Variants in PDCD6IP observed in about 807,000 individuals in gnomAD.
PDCD6IP encodes the protein programmed cell death 6 interacting protein, also known as programmed cell death 6-interacting protein.
PDCD6IP carries 43 observed loss-of-function variants against 103.7 expected under a neutral mutation model. The ratio of observed to expected loss-of-function variants is 0.41; its 90% CI spans 0.32 to 0.53. PDCD6IP has a LOEUF of 0.53. Ranked by LOEUF, PDCD6IP falls within the 20% of genes least tolerant of loss-of-function variation. PDCD6IP has a pLI of 0.16. For missense variants in PDCD6IP, 871 were observed against 1,036.7 expected (o/e 0.84, Z 2.20); for synonymous variants, 354 against 378.7 (o/e 0.93, Z 0.76).
At chr3:33,826,676 T>C (rs368958416) in intron 6 of PDCD6IP, 96 bp downstream of exon 6, 10 of 1,533,596 alleles carry the variant, frequency 6.5e-6, no homozygotes, top group Non-Finnish European at 1.8e-6. Flanking sequence ...ATAAAGAAAT[T>C]TGAAGTTTTA....
At chr3:33,805,987 C>T (rs745675297) in intron 1 of PDCD6IP, among the ~76,000 whole-genome samples, 44 of 152,044 alleles carry the variant, frequency 2.9e-4, no homozygotes, top group African/African-American at 9.7e-4. Flanking sequence ...CCTTGTGATC[C>T]GCCTGTCTCG....
intron 3 of PDCD6IP, among the ~76,000 whole-genome samples, chr3:33,816,271 C>T (rs1384435356): frequency 6.6e-6 from 1 of 152,036 alleles, no homozygotes; most frequent in Non-Finnish European, 1.5e-5. Context: ...GTTTGGGAGG[C>T]CGAGGTGGGT....
Position 33,813,646 on chromosome 3 carries a change from A to C in PDCD6IP, c.334+18A>C. 1 of 1,445,166 alleles carries C rather than the reference A, an allele frequency of 6.9e-7. No individual in the cohort carries two copies. 89.5% of individuals were successfully genotyped at this position (1,445,166 alleles called of 1,614,324 possible). A position where few individuals can be genotyped will look rare whatever the true frequency, so the allele number is the denominator to read the frequency against. ...AAAACTGGGTATGTAATTTTTAATA[A>C]AAGTGATAGGAAAATTGGTCTAACT... On this transcript the variant is annotated intron_variant, in intron 3 of 17. Coordinates refer to ENST00000307296, the MANE Select transcript of PDCD6IP (RefSeq NM_013374.6).
At chr3:33,799,181 G>T in intron 1 of PDCD6IP, 1 of 559,758 alleles carries the variant, frequency 1.8e-6, no homozygotes, top group Non-Finnish European at 3.2e-6. Context: ...AGGGCTCCGT[G>T]GATCAGATAC....
intron 12 of PDCD6IP, among the ~76,000 whole-genome samples, chr3:33,851,761 A>G (rs1559794343): frequency 6.6e-6 from 1 of 152,120 alleles, no homozygotes; most frequent in Non-Finnish European, 1.5e-5. Context: ...CATCTGGCCT[A>G]AAACTCTTAA....
At chr3:33,848,162 CTGTT>C (rs1280201136) in intron 12 of PDCD6IP, among the ~76,000 whole-genome samples, 4 of 152,104 alleles carry the variant, frequency 2.6e-5, no homozygotes, top group African/African-American at 9.7e-5. Flanking sequence ...TGACTGGAAT[CTGTT>C]TGTTTATTTA....
intron 7 of PDCD6IP, among the ~76,000 whole-genome samples, chr3:33,831,072 A>G (rs908695539): frequency 6.6e-6 from 1 of 152,186 alleles, no homozygotes; most frequent in African/African-American, 2.4e-5. Context: ...CTTGGAATCA[A>G]TCACTTCTGG....
intron 3 of PDCD6IP, among the ~76,000 whole-genome samples, chr3:33,820,456 A>G (rs1187913241): frequency 6.6e-6 from 1 of 152,220 alleles, no homozygotes; most frequent in Non-Finnish European, 1.5e-5. Flanking sequence ...ATTTTTAAGT[A>G]TACAGTTCAC....
chr3:33,800,648 C>T (rs1011078097), intron 1 of PDCD6IP, among the ~76,000 whole-genome samples: 1 of 152,078 alleles, frequency 6.6e-6, no homozygotes, highest in Non-Finnish European at 1.5e-5. Flanking sequence ...AATACTTAGC[C>T]ATTCTTTAGA....
At chr3:33,845,639 T>G (rs751174750) in intron 12 of PDCD6IP, 51 bp downstream of exon 12, 6 of 1,408,026 alleles carry the variant, frequency 4.3e-6, no homozygotes, top group Middle Eastern at 1.8e-4. Flanking sequence ...AAAACCACAT[T>G]CAAGCCATTT....
chr3:33,821,021 T>C (rs902010348), intron 3 of PDCD6IP, among the ~76,000 whole-genome samples: 3 of 152,178 alleles, frequency 2.0e-5, no homozygotes, highest in African/African-American at 7.2e-5. Context: ...TTATTTTTTA[T>C]TTTGAGACAG....
intron 11 of PDCD6IP, among the ~76,000 whole-genome samples, chr3:33,844,998 T>C (rs901717599): frequency 6.6e-6 from 1 of 152,126 alleles, no homozygotes; most frequent in Non-Finnish European, 1.5e-5. Context: ...TTATTTATCT[T>C]TGTAAAAAGT....
intron 3 of PDCD6IP, among the ~76,000 whole-genome samples, chr3:33,813,956 A>G (rs1458629754): frequency 1.3e-5 from 2 of 152,194 alleles, no homozygotes; most frequent in African/African-American, 4.8e-5. Context: ...CTACCTTTTG[A>G]AAGCAGACAA....
At chr3:33,833,995 C>T (rs1697293952) in intron 7 of PDCD6IP, among the ~76,000 whole-genome samples, 1 of 152,154 alleles carries the variant, frequency 6.6e-6, no homozygotes, top group African/African-American at 2.4e-5. Flanking sequence ...TCCTCACAGC[C>T]TTTGCATTTC....
At chr3:33,819,874 CCTT>C (rs1415547474) in intron 3 of PDCD6IP, among the ~76,000 whole-genome samples, 1 of 152,156 alleles carries the variant, frequency 6.6e-6, no homozygotes, top group Non-Finnish European at 1.5e-5. Flanking sequence ...ACACAATATG[CCTT>C]CTTAACCATT....
At chr3:33,852,925 C>CTTTTTTTTT (rs200568485) in intron 13 of PDCD6IP, among the ~76,000 whole-genome samples, 189 bp downstream of exon 13, 1 of 119,670 alleles carries the variant, frequency 8.4e-6, no homozygotes. Flanking sequence ...AAAGTCACTT[C>CTTTTTTTTT]TTTTTTTTTT....
At position 33,798,664 on chromosome 3, in the gene PDCD6IP, C is replaced by T. The variant is rs934857814; in HGVS notation, c.-65C>T. 2.9e-6 allele frequency: 4 copies of T among 1,400,146 alleles called. No homozygotes were observed. The highest frequency in any genetic ancestry group is 1.9e-4 in the Middle Eastern group (1 of 5,200). 86.7% of individuals were successfully genotyped at this position (1,400,146 alleles called of 1,614,324 possible). A position where few individuals can be genotyped will look rare whatever the true frequency, so the allele number is the denominator to read the frequency against. On this transcript the variant is annotated 5_prime_UTR_variant, in exon 1 of 18. Coordinates refer to ENST00000307296, the MANE Select transcript of PDCD6IP (RefSeq NM_013374.6). ...GCCAGTCCGCCAGCCCAGTACCTCT[C>T]TCTCCTCGGCCCTCGTAAGCTGTCC...
At chr3:33,829,019 T>C (rs2125558684) in intron 7 of PDCD6IP, 50 bp downstream of exon 7, 2 of 1,455,764 alleles carry the variant, frequency 1.4e-6, no homozygotes, top group East Asian at 4.9e-5. Flanking sequence ...GATCTCTCTT[T>C]TTTTTCCTAG....
intron 1 of PDCD6IP, among the ~76,000 whole-genome samples, chr3:33,805,502 A>G (rs1696574210): frequency 6.6e-6 from 1 of 150,912 alleles, no homozygotes; most frequent in Non-Finnish European, 1.5e-5. Context: ...TGGCGCCACA[A>G]TAGCCTACTG....
Sources: gnomAD v4.1 joint callset for allele counts (sites outside exome capture counted in the v4.1 genomes callset) on GRCh38, gnomAD v4.1.1 for gene constraint, MANE v1.5 for transcripts, NCBI Gene and HGNC (gene_info 2026-07-23, HGNC 2026-07-21) for gene names.